The following ZNF414 variants were observed in gnomAD, a reference collection of about 807,000 sequenced individuals.
ZNF414 encodes the protein zinc finger protein 414.
A neutral mutation model predicts 38.3 loss-of-function variants in ZNF414; 32 were observed. The observed-to-expected ratio is 0.83, with a 90% CI of 0.63 to 1.12. The LOEUF is 1.12. Among genes scored for constraint, ZNF414 ranks in the 50% most tolerant of loss-of-function variants. The probability of loss-of-function intolerance (pLI) is 0.00; values close to 1 mark genes in which losing one functional copy is unlikely to be tolerated. For missense variants in ZNF414, 589 were observed against 557.4 expected (o/e 1.06, Z -0.57); for synonymous variants, 256 against 248.0 (o/e 1.03, Z -0.30).
At chr19:8,511,564 G>A (rs1487052779) in intron 5 of ZNF414, 28 bp from the exon 6 acceptor site, 11 of 1,569,354 alleles carry the variant, frequency 7.0e-6, no homozygotes, top group Non-Finnish European at 8.6e-6. Context: ...GTCAAGTTCA[G>A]AGTCAGGGCG....
At position 8,513,178 on chromosome 19, in the gene ZNF414, C is replaced by A; in HGVS notation, c.167G>T (p.Trp56Leu). 1 of 1,560,156 alleles carries A rather than the reference C, an allele frequency of 6.4e-7. No homozygotes were observed. Among genetic ancestry groups the A allele is most frequent in the East Asian group, 2.4e-5 (1 of 42,380 alleles). The change falls in exon 2 of 8, where the codon TGG becomes TTG. Residue 56 changes from tryptophan to leucine, a missense_variant. Transcript: ENST00000393927. ...CATCCCTCCAGCCCCTCCACGTTCC[C>A]ACACTGGCGGTGTGGCTGCCTGCTC... ...GPEQAATPPV[W>L]ERGGAGGMQQ...
rs765479794 is a variant in ZNF414 at position 8,511,344 on chromosome 19, C to T, written c.925+142G>A. ...GCGCAGGTGCCAGTCATTTTTAAGG[C>T]AAAAATCCTGTATTTCGGGACGGTG... On this transcript the variant is annotated intron_variant, in intron 6 of 7. Transcript: ENST00000393927. The T allele has an allele frequency of 2.5e-4, 359 of 1,463,066 alleles. 3 individuals are homozygous for T. The highest frequency in any genetic ancestry group is 2.5e-4 in the Middle Eastern group (1 of 4,000). The allele number at this position is 1,463,066 out of a possible 1,614,324, so 90.6% of individuals were successfully genotyped here.
chr19:8,511,466 T>C lies in ZNF414; in HGVS notation c.925+20A>G. On this transcript the variant is annotated intron_variant, in intron 6 of 7. Coordinates refer to ENST00000393927, the MANE Select transcript of ZNF414 (RefSeq NM_001146175.2). ...GAAAGAAAGCCCCTCCACCCCTCCCTGGTGGTCACCTGCACGCACCTGAGG... is the reference window on the plus strand; with the variant it reads ...GAAAGAAAGCCCCTCCACCCCTCCCCGGTGGTCACCTGCACGCACCTGAGG... 6.2e-7 allele frequency: 1 copy of C among 1,610,000 alleles called. No homozygotes were observed. The highest frequency in any genetic ancestry group is 8.5e-7 in the Non-Finnish European group (1 of 1,178,674).
chr19:8,512,599 C>A lies in ZNF414; in HGVS notation c.424+5G>T. The A allele has an allele frequency of 6.3e-7, 1 of 1,590,884 alleles. No individual in the cohort carries two copies. The highest frequency in any genetic ancestry group is 8.6e-7 in the Non-Finnish European group (1 of 1,167,308). On this transcript the variant is annotated splice_donor_5th_base_variant and intron_variant, in intron 3 of 7. Coordinates refer to ENST00000393927, the MANE Select transcript of ZNF414 (RefSeq NM_001146175.2). Reference sequence around the variant, plus strand: ...CTGCCTCCCCATTACCAGTCCTGGCCCTACCTTCCAGGGACTGTGTGGGCG... The same window carrying A: ...CTGCCTCCCCATTACCAGTCCTGGCACTACCTTCCAGGGACTGTGTGGGCG...
Position 8,510,970 on chromosome 19 carries a change from C to A in ZNF414, c.980G>T (p.Cys327Phe). 1 of 1,268,188 alleles carries A rather than the reference C, an allele frequency of 7.9e-7. No homozygotes were observed. The allele number at this position is 1,268,188 out of a possible 1,614,324, so 78.6% of individuals were successfully genotyped here. A position where few individuals can be genotyped will look rare whatever the true frequency, so the allele number is the denominator to read the frequency against. ...VWEHTRGRYS[C>F]MQCAFSTASR... ...GGCCGTGGAGAAGGCGCACTGCATGCACGAGTAGCGGCCGCGTGTGTGCTC... is the reference window on the plus strand; with the variant it reads ...GGCCGTGGAGAAGGCGCACTGCATGAACGAGTAGCGGCCGCGTGTGTGCTC... Residue 327 changes from cysteine (C) to phenylalanine (F), a missense_variant, in exon 7 of 8, where the codon TGC becomes TTC. Physicochemically the swap from Cys to Phe is radical, Grantham distance 205. Transcript: ENST00000393927.
chr19:8,512,993 G>T, intron 2 of ZNF414, 36 bp downstream of exon 2: 1 of 1,435,178 alleles, frequency 7.0e-7, no homozygotes, highest in Non-Finnish European at 9.1e-7. Flanking sequence ...TTGTTTCAGG[G>T]ACTGTGATTC....
In ZNF414 at chr19:8,510,882, CGCGGGG is replaced by C. The variant is rs1009094903; in HGVS notation, c.1062_1067del (p.Pro355_Ala356del). 9 of 1,110,536 alleles carry C rather than the reference CGCGGGG, an allele frequency of 8.1e-6. No homozygotes were observed. In the Admixed American group the frequency reaches 2.0e-4, roughly 25 times the overall value. 68.8% of individuals were successfully genotyped at this position (1,110,536 alleles called of 1,614,324 possible). A position where few individuals can be genotyped will look rare whatever the true frequency, so the allele number is the denominator to read the frequency against. On this transcript the variant is annotated inframe_deletion, in exon 7 of 8. Coordinates refer to ENST00000393927, the MANE Select transcript of ZNF414 (RefSeq NM_001146175.2). ...GGGCGTCGGGGCGCGGCGGCCCGGC[CGCGGGG>C]GCCGCGGGGGCGCCGGGGCGGTGGT...
chr19:8,513,953 C>T lies in ZNF414; in HGVS notation c.3+91G>A, dbSNP rs150407322. The T allele has an allele frequency of 2.4e-3, 3,089 of 1,303,332 alleles. 61 individuals are homozygous for T. In the African/African-American group the frequency reaches 0.042, roughly 18 times the overall value. The allele number at this position is 1,303,332 out of a possible 1,614,324, so 80.7% of individuals were successfully genotyped here. ...GCGGACGGGTGCCCGGATGTGGGGG[C>T]GGGGTCGGCCGGAGGCTGTAGGCGC... On this transcript the variant is annotated intron_variant, in intron 1 of 7. Transcript: ENST00000393927.
chr19:8,510,910 T>C lies in ZNF414; in HGVS notation c.1040A>G (p.His347Arg). The change falls in exon 7 of 8, where the codon CAC (histidine) becomes CGC (arginine). Residue 347 changes from histidine (H) to arginine (R), a missense_variant. Transcript: ENST00000393927. ...GGGGGCCGCGGGGGCGCCGGGGCGG[T>C]GGTCCTCCAGGTGCAGGGTCATGGC... ...RPAMTLHLEDHRPGAPAAPAA... is the reference protein window; with the variant it reads ...RPAMTLHLEDRRPGAPAAPAA... The C allele has an allele frequency of 1.0e-5, 12 of 1,201,028 alleles. No individual in the cohort carries two copies. The highest frequency in any genetic ancestry group is 1.1e-5 in the Non-Finnish European group (11 of 966,722). 74.4% of individuals were successfully genotyped at this position (1,201,028 alleles called of 1,614,324 possible).
At chr19:8,512,950 C>A in intron 2 of ZNF414, 79 bp downstream of exon 2, 1 of 1,410,822 alleles carries the variant, frequency 7.1e-7, no homozygotes, top group Non-Finnish European at 9.3e-7. Context: ...TAGAAAGGCC[C>A]TGAGGTTAGA....
chr19:8,512,149 G>T, intron 4 of ZNF414, 189 bp from the exon 5 acceptor site: 2 of 1,146,692 alleles, frequency 1.7e-6, no homozygotes, highest in Non-Finnish European at 2.3e-6. Context: ...AACCCGGAAA[G>T]AAGTCTCAAT....
chr19:8,512,197 A>G, intron 4 of ZNF414, 190 bp downstream of exon 4: 1 of 1,432,830 alleles, frequency 7.0e-7, no homozygotes, highest in Non-Finnish European at 9.1e-7. Flanking sequence ...TGGGAGGTAA[A>G]GCCTGGCTGG....
chr19:8,512,545 G>A (rs1011031748), intron 3 of ZNF414, 53 bp from the exon 4 acceptor site: 38 of 1,610,868 alleles, frequency 2.4e-5, no homozygotes, highest in South Asian at 5.5e-5. Context: ...GGCTGGCTCC[G>A]AGGGGCTCCG....
intron 2 of ZNF414, 129 bp downstream of exon 2, chr19:8,512,900 A>C (rs1436011249): frequency 1.6e-6 from 2 of 1,281,470 alleles, no homozygotes; most frequent in African/African-American, 3.0e-5. Flanking sequence ...ACAGCCTGGC[A>C]TCCACCGGCT....
chr19:8,510,563 G>T lies in ZNF414; in HGVS notation c.*128C>A. ...CCCACTATGCTTTGGATGGACAAGG[G>T]ATGGGAACACAGCATAGGCTGGCTC... On this transcript the variant is annotated 3_prime_UTR_variant, in exon 8 of 8. Transcript: ENST00000393927. The T allele has an allele frequency of 9.1e-7, 1 of 1,094,116 alleles. No individual in the cohort carries two copies. The highest frequency in any genetic ancestry group is 1.3e-6 in the Non-Finnish European group (1 of 779,636). The allele number at this position is 1,094,116 out of a possible 1,614,324, so 67.8% of individuals were successfully genotyped here. A position where few individuals can be genotyped will look rare whatever the true frequency, so the allele number is the denominator to read the frequency against.
In ZNF414 at chr19:8,513,996, C is replaced by T. The variant is rs1158981010; in HGVS notation, c.3+48G>A. ...GTAGGCGCGACAGGGCCGCTCCCCG[C>T]CAGTCCCCGCAGCTCCGCCGCGCCC... On this transcript the variant is annotated intron_variant, in intron 1 of 7. Transcript: ENST00000393927. 5 of 1,420,036 alleles carry T rather than the reference C, an allele frequency of 3.5e-6. No individual in the cohort carries two copies. The East Asian group carries it at 1.2e-4, about 35-fold the overall frequency. The allele number at this position is 1,420,036 out of a possible 1,614,324, so 88.0% of individuals were successfully genotyped here.
chr19:8,512,148 A>G, intron 4 of ZNF414, 188 bp from the exon 5 acceptor site: 2 of 1,427,480 alleles, frequency 1.4e-6, no homozygotes, highest in South Asian at 3.1e-5. Context: ...AAACCCGGAA[A>G]GAAGTCTCAA....
At chr19:8,513,572 C>T (rs1163184319) in intron 1 of ZNF414, among the ~76,000 whole-genome samples, 1 of 152,168 alleles carries the variant, frequency 6.6e-6, no homozygotes, top group Non-Finnish European at 1.5e-5. Flanking sequence ...GGATTAGAGT[C>T]GTCAGCCACT....
Position 8,511,491 on chromosome 19 carries a change from G to A in ZNF414, c.920C>T (p.Pro307Leu). The A allele has an allele frequency of 1.2e-6, 2 of 1,610,718 alleles. No homozygotes were observed. The highest frequency in any genetic ancestry group is 1.3e-5 in the African/African-American group (1 of 74,706). The stretch of plus-strand genomic sequence containing the variant: ...TGGTGGTCACCTGCACGCACCTGAG[G>A]GCGCGTCGGAGCCGCCCTGGGGTCT... Reference protein sequence around the residue: ...PRRPQGGSDAPSGHAAPSRIV... With the variant: ...PRRPQGGSDALSGHAAPSRIV... Residue 307 changes from proline to leucine, a missense_variant, in exon 6 of 8, where the codon CCC becomes CTC. By Grantham distance (98) the Pro-to-Leu change is moderately conservative. Coordinates refer to ENST00000393927, the MANE Select transcript of ZNF414 (RefSeq NM_001146175.2).
Sources: gnomAD v4.1 joint callset for allele counts (sites outside exome capture counted in the v4.1 genomes callset) on GRCh38, gnomAD v4.1.1 for gene constraint, MANE v1.5 for transcripts, NCBI Gene and HGNC (gene_info 2026-07-23, HGNC 2026-07-21) for gene names.